Variants in MTAP observed in about 807,000 individuals in gnomAD.
The protein encoded by MTAP is methylthioadenosine phosphorylase.
MTAP carries 33 observed loss-of-function variants against 33.6 expected under a neutral mutation model. The observed-to-expected ratio is 0.98, with a 90% CI of 0.74 to 1.31. The LOEUF (loss-of-function observed/expected upper bound fraction) is 1.31, where lower values mean the gene tolerates loss of function less well. Among genes scored for constraint, MTAP ranks in the 40% most tolerant of loss-of-function variants. MTAP has a pLI of 0.00. For missense variants in MTAP, 367 were observed against 360.0 expected, an observed-to-expected ratio of 1.02 and a Z score of -0.16; for synonymous variants, 148 against 125.7, an observed-to-expected ratio of 1.18 and a Z score of -1.19.
Position 21,863,713 on chromosome 9 carries a change from G to A in MTAP, c.*1699G>A, listed in dbSNP as rs1825800714. ...TCCTCAGAATTGTTTTCTTTTCACT[G>A]TAGGCTATTACAGGATACTTCAGGA... On this transcript the variant is annotated 3_prime_UTR_variant, in exon 8 of 8. Transcript: ENST00000644715. 1 of 985,546 alleles carries A rather than the reference G, an allele frequency of 1.0e-6. No individual in the cohort carries two copies. Among genetic ancestry groups the A allele is most frequent in the Non-Finnish European group, 1.2e-6 (1 of 829,908 alleles). The allele number at this position is 985,546 out of a possible 1,614,324, so 61.1% of individuals were successfully genotyped here.
chr9:21,867,500 A>G (rs1167792071), downstream of MTAP, among the ~76,000 whole-genome samples: 1 of 152,152 alleles, frequency 6.6e-6, no homozygotes, highest in African/African-American at 2.4e-5. Context: ...CATTCCTGAT[A>G]TAAACCATAC....
intron 5 of MTAP, among the ~76,000 whole-genome samples, chr9:21,839,093 G>T (rs570744329): frequency 1.3e-5 from 2 of 151,822 alleles, no homozygotes; most frequent in Non-Finnish European, 1.5e-5. Flanking sequence ...ATCTAAAACC[G>T]AGTACTGAGG....
chr9:21,908,044 T>G (rs993273879), intron 1 of MTAP, among the ~76,000 whole-genome samples: 3 of 152,138 alleles, frequency 2.0e-5, no homozygotes, highest in African/African-American at 7.2e-5. Context: ...AACATTGATA[T>G]AGTCAAGATA....
In MTAP at chr9:21,819,711, G is replaced by A. The variant is rs567227044; in HGVS notation, c.347+1509G>A. 5.3e-4 allele frequency among the ~76,000 whole-genome samples: 80 copies of A among 152,272 alleles called. 2 individuals carry two copies. The South Asian group carries it at 5.6e-3, about 11-fold the overall frequency. ...TCTAGTTCTAGATCCATGAGAAATCGCCACACTGTCTTCCACAATGGTTGA... is the reference window on the plus strand; with the variant it reads ...TCTAGTTCTAGATCCATGAGAAATCACCACACTGTCTTCCACAATGGTTGA... On this transcript the variant is annotated intron_variant, in intron 4 of 7. Transcript: ENST00000644715.
intron 1 of MTAP, among the ~76,000 whole-genome samples, chr9:21,921,802 C>T (rs898735469): frequency 4.6e-5 from 7 of 152,084 alleles, no homozygotes; most frequent in African/African-American, 1.7e-4. Flanking sequence ...GAAACCTCAT[C>T]TCTATTAAAA....
At chr9:21,820,235 G>C (rs1824597630) in intron 4 of MTAP, among the ~76,000 whole-genome samples, 1 of 152,138 alleles carries the variant, frequency 6.6e-6, no homozygotes, top group African/African-American at 2.4e-5. Flanking sequence ...TGTCCTGAAT[G>C]GTATTGCCTA....
downstream of MTAP, among the ~76,000 whole-genome samples, chr9:21,870,339 A>C (rs2118638822): frequency 6.6e-6 from 1 of 152,348 alleles, no homozygotes; most frequent in East Asian, 1.9e-4. Context: ...TTCCTCCAAA[A>C]TGTACAACCT....
At chr9:21,830,027 A>T (rs182633802) in intron 4 of MTAP, among the ~76,000 whole-genome samples, 2 of 152,232 alleles carry the variant, frequency 1.3e-5, no homozygotes, top group African/African-American at 4.8e-5. Flanking sequence ...CTGGAAAAAG[A>T]GGTAGAGAGT....
chr9:21,818,249 T>G, intron 4 of MTAP, 47 bp downstream of exon 4: 1 of 1,593,666 alleles, frequency 6.3e-7, no homozygotes, highest in Non-Finnish European at 8.6e-7. Context: ...CTGGTCATTT[T>G]CAGCTCAAAT....
At chr9:21,856,787 C>G (rs1287665720) in intron 6 of MTAP, among the ~76,000 whole-genome samples, 2 of 152,218 alleles carry the variant, frequency 1.3e-5, no homozygotes, top group African/African-American at 4.8e-5. Flanking sequence ...TCGTGTGTTG[C>G]AGCCTGGCAT....
At chr9:21,937,696 A>T (rs1819063562), downstream of MTAP, 1 of 152,126 alleles carries the variant, frequency 6.6e-6, no homozygotes, top group African/African-American at 2.4e-5. Context: ...GTGACTTTTG[A>T]TATATTTAAT....
At chr9:21,830,931 A>G (rs534391922) in intron 4 of MTAP, among the ~76,000 whole-genome samples, 25 of 152,218 alleles carry the variant, frequency 1.6e-4, no homozygotes, top group African/African-American at 6.0e-4. Context: ...TGCATTATAA[A>G]GTGGTGCACA....
Position 21,863,727 on chromosome 9 carries a change from GA to G in MTAP, c.*1714del, listed in dbSNP as rs1437442581. The G allele has an allele frequency of 3.0e-6, 3 of 985,634 alleles. No homozygotes were observed. In the African/African-American group the frequency reaches 5.2e-5, roughly 17 times the overall value. The allele number at this position is 985,634 out of a possible 1,614,324, so 61.1% of individuals were successfully genotyped here. A position where few individuals can be genotyped will look rare whatever the true frequency, so the allele number is the denominator to read the frequency against. ...TTCTTTTCACTGTAGGCTATTACAG[GA>G]TACTTCAGGATCAAGATACAGAACC... On this transcript the variant is annotated 3_prime_UTR_variant, in exon 8 of 8. Coordinates refer to ENST00000644715, the MANE Select transcript of MTAP (RefSeq NM_002451.4).
At chr9:21,894,221 A>AC in intron 1 of MTAP, among the ~76,000 whole-genome samples, 1 of 151,656 alleles carries the variant, frequency 6.6e-6, no homozygotes. Flanking sequence ...TAAAAAAAAA[A>AC]AAAAAAAAAC....
At chr9:21,814,265 C>T (rs919191275) in intron 1 of MTAP, among the ~76,000 whole-genome samples, 1 of 152,000 alleles carries the variant, frequency 6.6e-6, no homozygotes, top group African/African-American at 2.4e-5. Context: ...CATTTTTTTA[C>T]GTGTTGATAG....
chr9:21,905,694 A>G (rs1375059213), intron 1 of MTAP, among the ~76,000 whole-genome samples: 1 of 152,190 alleles, frequency 6.6e-6, no homozygotes, highest in Non-Finnish European at 1.5e-5. Flanking sequence ...TAAGAGAGAA[A>G]GAAGGAGCTT....
chr9:21,823,359 CCTT>C (rs1412760730), intron 4 of MTAP, among the ~76,000 whole-genome samples: 4 of 152,094 alleles, frequency 2.6e-5, no homozygotes, highest in African/African-American at 4.8e-5. Flanking sequence ...TTTTATTTCT[CCTT>C]CTCTTATGAA....
At chr9:21,901,182 C>A (rs555069250) in intron 1 of MTAP, among the ~76,000 whole-genome samples, 27 of 152,136 alleles carry the variant, frequency 1.8e-4, no homozygotes, top group African/African-American at 6.5e-4. Flanking sequence ...AAAGAAAATA[C>A]CAAAATACAC....
rs1563869432 is a variant in MTAP, at chr9:21,915,042, TCC to T, written c.148-15965_148-15964del. Among the ~76,000 whole-genome samples the T allele has an allele frequency of 5.7e-4, 61 of 107,920 alleles. 1 individual carries two copies. The highest frequency in any genetic ancestry group is 8.6e-4 in the Non-Finnish European group (51 of 59,040). 70.8% of individuals were successfully genotyped at this position (107,920 alleles called of 152,430 possible). ...TTCCTTCCTTCCTTCCTTCCTTCCTTCCTTCCTTCCTTCCTTTCTTTCTTTCT... is the reference window on the plus strand; with the variant it reads ...TTCCTTCCTTCCTTCCTTCCTTCCTTTTCCTTCCTTCCTTTCTTTCTTTCT... On this transcript the variant is annotated intron_variant, in intron 1 of 1. Transcript: ENST00000577563.
Sources: allele counts gnomAD v4.1 joint callset (sites outside exome capture counted in the v4.1 genomes callset), GRCh38; gene constraint gnomAD v4.1.1; transcripts MANE v1.5; gene names NCBI Gene and HGNC (gene_info 2026-07-23, HGNC 2026-07-21).